DGKI: variants seen among roughly 807,000 people sequenced by gnomAD.
DGKI encodes the protein diacylglycerol kinase iota, also known as DAG kinase iota.
Under a neutral mutation model 147.5 loss-of-function variants are expected in DGKI, and 55 were observed. The observed-to-expected ratio is 0.37, with a 90% CI of 0.30 to 0.47. DGKI has a LOEUF of 0.47. DGKI is among the 20% of genes least tolerant of loss of function. DGKI has a pLI of 1.00. For missense variants in DGKI, 1,007 were observed against 1,323.8 expected (o/e 0.76, Z 3.71); for synonymous variants, 469 against 477.1 (o/e 0.98, Z 0.22).
Position 137,391,169 on chromosome 7 carries a change from G to A in DGKI, c.*51C>T, listed in dbSNP as rs201515507. On this transcript the variant is annotated 3_prime_UTR_variant, in exon 33 of 33. Transcript: ENST00000614521. ...TCCAGGGGAGCTGCCCAATTGCAGG[G>A]AGGGCAGATGTGATACGCTTGCTCA... The A allele has an allele frequency of 3.7e-6, 5 of 1,342,178 alleles. No homozygotes were observed. Among genetic ancestry groups the A allele is most frequent in the Middle Eastern group, 2.2e-4 (1 of 4,460 alleles). The allele number at this position is 1,342,178 out of a possible 1,614,324, so 83.1% of individuals were successfully genotyped here.
At chr7:137,536,943 A>G (rs1344422852) in intron 20 of DGKI, among the ~76,000 whole-genome samples, 1 of 152,184 alleles carries the variant, frequency 6.6e-6, no homozygotes, top group Non-Finnish European at 1.5e-5. Context: ...ACCGAGTTGC[A>G]GCCTGGGCTC....
chr7:137,617,122 A>T lies in DGKI; in HGVS notation c.993+2702T>A, dbSNP rs28696306. 2.9e-5 allele frequency among the ~76,000 whole-genome samples: 3 copies of T among 103,984 alleles called. No individual in the cohort carries two copies. The South Asian group carries it at 9.2e-4, about 32-fold the overall frequency. The allele number at this position is 103,984 out of a possible 152,430, so 68.2% of individuals were successfully genotyped here. A position where few individuals can be genotyped will look rare whatever the true frequency, so the allele number is the denominator to read the frequency against. ...AATGTACTGCCAGTGTATCCCTTTTACCAAAAAAAAAAAAAAAAAAAAAAA... is the reference window on the plus strand; with the variant it reads ...AATGTACTGCCAGTGTATCCCTTTTTCCAAAAAAAAAAAAAAAAAAAAAAA... On this transcript the variant is annotated intron_variant, in intron 8 of 32. Transcript: ENST00000614521.
At chr7:137,736,858 T>C (rs769775446) in intron 1 of DGKI, among the ~76,000 whole-genome samples, 20 of 152,104 alleles carry the variant, frequency 1.3e-4, no homozygotes, top group Middle Eastern at 3.2e-3. Context: ...TCAGAGGTCA[T>C]ACAGATCACA....
chr7:137,609,953 C>T (rs1820310259), intron 8 of DGKI, among the ~76,000 whole-genome samples: 1 of 152,068 alleles, frequency 6.6e-6, no homozygotes, highest in South Asian at 2.1e-4. Context: ...CAACCAGGTT[C>T]GTCTCCCGCC....
At chr7:137,433,422 C>T (rs971319338) in intron 28 of DGKI, among the ~76,000 whole-genome samples, 9 of 152,094 alleles carry the variant, frequency 5.9e-5, no homozygotes, top group South Asian at 2.1e-4. Context: ...GCCACCAAAA[C>T]GATAAAACAA....
At chr7:137,643,349 A>G (rs1260030287) in intron 6 of DGKI, among the ~76,000 whole-genome samples, 3 of 151,202 alleles carry the variant, frequency 2.0e-5, no homozygotes. Context: ...GTACAACACT[A>G]CTGATGAAAA....
At position 137,487,811 on chromosome 7, in the gene DGKI, C is replaced by T. The variant is rs149897473; in HGVS notation, c.2249-122G>A. Reference sequence around the variant, plus strand: ...ATATTATGGGTTTTTTAGATATGTCCGTAAAAAGAAAGAAGTACTTTCTCC... The same window carrying T: ...ATATTATGGGTTTTTTAGATATGTCTGTAAAAAGAAAGAAGTACTTTCTCC... On this transcript the variant is annotated intron_variant, in intron 21 of 32. Transcript: ENST00000614521. 3.7e-4 allele frequency: 311 copies of T among 844,284 alleles called. 1 individual carries two copies. The African/African-American group carries it at 4.6e-3, about 13-fold the overall frequency. The allele number at this position is 844,284 out of a possible 1,614,324, so 52.3% of individuals were successfully genotyped here.
chr7:137,588,393 T>TAAAAAA (rs1477579577), intron 12 of DGKI, among the ~76,000 whole-genome samples: 1 of 150,678 alleles, frequency 6.6e-6, no homozygotes, highest in East Asian at 1.9e-4. Flanking sequence ...AATAAAGAGA[T>TAAAAAA]AAATGAGCTA....
intron 17 of DGKI, among the ~76,000 whole-genome samples, chr7:137,574,153 T>C (rs1818889196): frequency 6.6e-6 from 1 of 152,194 alleles, no homozygotes; most frequent in African/African-American, 2.4e-5. Flanking sequence ...GCATTTTTTT[T>C]CCCAGTCGAT....
chr7:137,440,990 C>T (rs963467729), intron 28 of DGKI, among the ~76,000 whole-genome samples: 3 of 152,132 alleles, frequency 2.0e-5, no homozygotes, highest in Admixed American at 1.3e-4. Context: ...ATGAAAAAAA[C>T]GGTTATTCTC....
chr7:137,472,382 T>C (rs865845874), intron 23 of DGKI, among the ~76,000 whole-genome samples: 2 of 117,054 alleles, frequency 1.7e-5, no homozygotes, highest in Non-Finnish European at 1.6e-5. Flanking sequence ...ATTATATGTA[T>C]ATATACATAT....
At chr7:137,502,989 G>C (rs1210764042) in intron 21 of DGKI, among the ~76,000 whole-genome samples, 1 of 152,150 alleles carries the variant, frequency 6.6e-6, no homozygotes, top group Non-Finnish European at 1.5e-5. Flanking sequence ...AACATCTCCA[G>C]GCCTGGACAA....
chr7:137,520,488 T>C (rs75045893), intron 21 of DGKI, among the ~76,000 whole-genome samples: 6 of 152,038 alleles, frequency 3.9e-5, no homozygotes, highest in Admixed American at 6.6e-5. Flanking sequence ...AAATGTAATA[T>C]GTTGTTTACA....
intron 1 of DGKI, among the ~76,000 whole-genome samples, chr7:137,754,634 T>G (rs373344262): frequency 1.3e-3 from 194 of 152,338 alleles, no homozygotes; most frequent in African/African-American, 4.5e-3. Context: ...TCATGGATAA[T>G]TGATAGCATG....
intron 1 of DGKI, among the ~76,000 whole-genome samples, chr7:137,706,335 G>C (rs1230879392): frequency 6.6e-6 from 1 of 151,562 alleles, no homozygotes; most frequent in Non-Finnish European, 1.5e-5. Context: ...TAGCTACACA[G>C]ATGAAATATG....
intron 20 of DGKI, among the ~76,000 whole-genome samples, chr7:137,537,144 GAA>G (rs1157988176): frequency 1.3e-5 from 2 of 152,178 alleles, no homozygotes; most frequent in Non-Finnish European, 2.9e-5. Context: ...TGCACAGTCT[GAA>G]GTGAAATTAC....
intron 21 of DGKI, among the ~76,000 whole-genome samples, chr7:137,493,252 C>A (rs548316395): frequency 1.3e-5 from 2 of 152,064 alleles, no homozygotes; most frequent in East Asian, 1.9e-4. Context: ...AGACCACCAG[C>A]CCCACACCCG....
chr7:137,539,400 A>G (rs1259469108), intron 20 of DGKI, among the ~76,000 whole-genome samples: 1 of 152,092 alleles, frequency 6.6e-6, no homozygotes, highest in Non-Finnish European at 1.5e-5. Context: ...CAACTCCATA[A>G]AGATGTTCAT....
chr7:137,806,048 G>A (rs1265413237), intron 1 of DGKI, among the ~76,000 whole-genome samples: 2 of 152,192 alleles, frequency 1.3e-5, no homozygotes, highest in Non-Finnish European at 2.9e-5. Flanking sequence ...CATTCATTAT[G>A]AAACACTTGG....
Sources: allele counts gnomAD v4.1 joint callset (sites outside exome capture counted in the v4.1 genomes callset), GRCh38; gene constraint gnomAD v4.1.1; transcripts MANE v1.5; gene names NCBI Gene and HGNC (gene_info 2026-07-23, HGNC 2026-07-21).